Variants in TMED10 observed in about 807,000 individuals in gnomAD.
TMED10 encodes transmembrane emp24 domain-containing protein 10.
TMED10 carries 7 observed loss-of-function variants against 23.1 expected under a neutral mutation model. The ratio of observed to expected loss-of-function variants is 0.30; its 90% CI spans 0.17 to 0.57. TMED10 has a LOEUF of 0.57. Among genes scored for constraint, TMED10 ranks in the 20% least tolerant of loss-of-function variants. The pLI is 0.91. For missense variants in TMED10, 162 were observed against 274.8 expected (o/e 0.59, Z 2.90); for synonymous variants, 113 against 106.9 (o/e 1.06, Z -0.35).
rs1364146211 is a variant in TMED10 at position 75,135,983 on chromosome 14, G to C, written c.412-97C>G. On this transcript the variant is annotated intron_variant, in intron 3 of 4. Coordinates refer to ENST00000303575, the MANE Select transcript of TMED10 (RefSeq NM_006827.6). ...AGAAGTCTTTTTTAAAGTTTCACCA[G>C]ATTTAAATTCTCTCCTATCAATCAT... 80 of 1,511,656 alleles carry C rather than the reference G, an allele frequency of 5.3e-5. No individual in the cohort carries two copies. The South Asian group carries it at 9.7e-4, about 18-fold the overall frequency. The allele number at this position is 1,511,656 out of a possible 1,614,324, so 93.6% of individuals were successfully genotyped here.
intron 3 of TMED10, 179 bp downstream of exon 3, chr14:75,147,485 C>T (rs1044748208): frequency 3.0e-5 from 21 of 704,918 alleles, no homozygotes; most frequent in Admixed American, 1.3e-4. Flanking sequence ...TGAGCCACCG[C>T]GCCCGGCTAA....
At chr14:75,149,023 C>A (rs1895922858) in intron 2 of TMED10, among the ~76,000 whole-genome samples, 1 of 152,220 alleles carries the variant, frequency 6.6e-6, no homozygotes, top group Admixed American at 6.5e-5. Flanking sequence ...CTCAAGCAAT[C>A]CTCCCACTTC....
intron 3 of TMED10, among the ~76,000 whole-genome samples, chr14:75,145,711 C>T (rs1307569400): frequency 3.3e-5 from 5 of 152,050 alleles, no homozygotes; most frequent in African/African-American, 4.8e-5. Context: ...GGCGTGAACC[C>T]GGGAGGCGGA....
chr14:75,160,815 G>A (rs1896076704), intron 1 of TMED10, among the ~76,000 whole-genome samples: 1 of 152,174 alleles, frequency 6.6e-6, no homozygotes, highest in African/African-American at 2.4e-5. Context: ...GGAGGCTAAG[G>A]TGGCACGTCA....
intron 3 of TMED10, among the ~76,000 whole-genome samples, chr14:75,141,368 T>C (rs777306481): frequency 6.6e-6 from 1 of 152,108 alleles, no homozygotes; most frequent in Non-Finnish European, 1.5e-5. Flanking sequence ...TATGTGTGCA[T>C]GTACACACAT....
chr14:75,160,587 C>T (rs1896074038), intron 1 of TMED10, among the ~76,000 whole-genome samples: 1 of 151,964 alleles, frequency 6.6e-6, no homozygotes, highest in African/African-American at 2.4e-5. Context: ...CTTTTCTTTC[C>T]TTTTAACAAT....
At chr14:75,163,079 TA>T (rs1016032833) in intron 1 of TMED10, among the ~76,000 whole-genome samples, 42 of 146,884 alleles carry the variant, frequency 2.9e-4, no homozygotes, top group Admixed American at 4.1e-4. Flanking sequence ...TAAAAATAAT[TA>T]AAAAAAAAAA....
At chr14:75,153,487 T>C (rs892333446) in intron 1 of TMED10, among the ~76,000 whole-genome samples, 1 of 152,188 alleles carries the variant, frequency 6.6e-6, no homozygotes, top group African/African-American at 2.4e-5. Flanking sequence ...GGGAATTCCA[T>C]GGTAATTTAA....
At chr14:75,135,411 G>C (rs1393441608) in intron 4 of TMED10, among the ~76,000 whole-genome samples, 1 of 152,200 alleles carries the variant, frequency 6.6e-6, no homozygotes, top group Non-Finnish European at 1.5e-5. Context: ...CCGTACTCCA[G>C]CCTGAGCGAC....
In TMED10 at chr14:75,138,665, CTT is replaced by C. The variant is rs1376476404; in HGVS notation, c.412-2781_412-2780del. On this transcript the variant is annotated intron_variant, in intron 3 of 4. Transcript: ENST00000303575. Reference sequence around the variant, plus strand: ...ACAGTATAAAGGAAATGGCATGATACTTCTTAGAGATAAATTATTTAAAGTTC... The same window carrying C: ...ACAGTATAAAGGAAATGGCATGATACCTTAGAGATAAATTATTTAAAGTTC... Among the ~76,000 whole-genome samples, 7 of 152,200 alleles carry C rather than the reference CTT, an allele frequency of 4.6e-5. No homozygotes were observed. The East Asian group carries it at 7.7e-4, about 17-fold the overall frequency.
intron 3 of TMED10, among the ~76,000 whole-genome samples, chr14:75,143,690 T>C (rs1326815023): frequency 6.6e-6 from 1 of 152,136 alleles, no homozygotes; most frequent in South Asian, 2.1e-4. Flanking sequence ...TCCCAGCACT[T>C]TGGGAGGCCG....
At chr14:75,135,081 G>A (rs1895732182) in intron 4 of TMED10, 75 bp from the exon 5 acceptor site, 1 of 1,562,888 alleles carries the variant, frequency 6.4e-7, no homozygotes, top group African/African-American at 1.4e-5. Flanking sequence ...CAGGGGAGGT[G>A]GGTAAAGGCA....
intron 2 of TMED10, 128 bp from the exon 3 acceptor site, chr14:75,147,865 C>T (rs1895908383): frequency 3.6e-6 from 3 of 833,882 alleles, no homozygotes; most frequent in South Asian, 3.2e-5. Context: ...CACAACTCCT[C>T]CCCCTGCTCA....
intron 3 of TMED10, among the ~76,000 whole-genome samples, chr14:75,146,099 T>G (rs1051323790): frequency 4.6e-5 from 7 of 152,248 alleles, no homozygotes; most frequent in Non-Finnish European, 7.3e-5. Context: ...AAAGAGGTCT[T>G]CTTGTTTTAT....
chr14:75,165,450 A>C (rs550070867), intron 1 of TMED10, among the ~76,000 whole-genome samples: 79 of 152,088 alleles, frequency 5.2e-4, no homozygotes, highest in African/African-American at 1.8e-3. Flanking sequence ...CTGGTCTCGA[A>C]CTCCTGACCT....
rs181449529 is a variant in TMED10 at position 75,134,025 on chromosome 14, T to C, written c.*860A>G. ...ATTACATTCTGTATGATTCCATTCA[T>C]ACAACATTCTTGAAATGACAAAATT... On this transcript the variant is annotated 3_prime_UTR_variant, in exon 5 of 5. Transcript: ENST00000303575. 3.8e-4 allele frequency: 75 copies of C among 198,884 alleles called. No homozygotes were observed. Among genetic ancestry groups the C allele is most frequent in the African/African-American group, 1.7e-3 (71 of 41,838 alleles). The allele number at this position is 198,884 out of a possible 1,614,324, so 12.3% of individuals were successfully genotyped here. A position where few individuals can be genotyped will look rare whatever the true frequency, so the allele number is the denominator to read the frequency against.
chr14:75,164,577 ATT>A lies in TMED10; in HGVS notation c.225+11776_225+11777del, dbSNP rs60845992. Among the ~76,000 whole-genome samples, 63 of 45,062 alleles carry A rather than the reference ATT, an allele frequency of 1.4e-3. 1 individual carries two copies. Among genetic ancestry groups the A allele is most frequent in the African/African-American group, 0.013 (58 of 4,576 alleles). 29.6% of individuals were successfully genotyped at this position (45,062 alleles called of 152,430 possible). A position where few individuals can be genotyped will look rare whatever the true frequency, so the allele number is the denominator to read the frequency against. The stretch of plus-strand genomic sequence containing the variant: ...TATATATATATATATATATATATAT[ATT>A]TTTTTTTTTTTTTTTGTATTTTTAG... On this transcript the variant is annotated intron_variant, in intron 1 of 4. Coordinates refer to ENST00000303575, the MANE Select transcript of TMED10 (RefSeq NM_006827.6).
At chr14:75,167,988 C>T (rs1896185946) in intron 1 of TMED10, among the ~76,000 whole-genome samples, 1 of 152,130 alleles carries the variant, frequency 6.6e-6, no homozygotes, top group Admixed American at 6.5e-5. Context: ...ACTAGTTAGC[C>T]TGATTTAGCC....
chr14:75,135,082 G>T, intron 4 of TMED10, 76 bp from the exon 5 acceptor site: 1 of 1,560,862 alleles, frequency 6.4e-7, no homozygotes, highest in Non-Finnish European at 8.7e-7. Context: ...AGGGGAGGTG[G>T]GTAAAGGCAA....
Sources: allele counts gnomAD v4.1 joint callset (sites outside exome capture counted in the v4.1 genomes callset), GRCh38; gene constraint gnomAD v4.1.1; transcripts MANE v1.5; gene names NCBI Gene and HGNC (gene_info 2026-07-23, HGNC 2026-07-21).